Variants in ANGPTL5 observed in about 807,000 individuals in gnomAD.
ANGPTL5 encodes the protein angiopoietin like 5.
Under a neutral mutation model 39.4 loss-of-function variants are expected in ANGPTL5, and 34 were observed. The observed-to-expected ratio is 0.86, with a 90% CI of 0.66 to 1.15. The LOEUF (loss-of-function observed/expected upper bound fraction) is 1.15, where lower values mean the gene tolerates loss of function less well. Ranked by LOEUF, ANGPTL5 falls within the 50% of genes most tolerant of loss-of-function variation. The pLI is 0.00. For missense variants in ANGPTL5, 467 were observed against 457.5 expected (o/e 1.02, Z -0.19); for synonymous variants, 146 against 152.1 (o/e 0.96, Z 0.29).
intron 1 of ANGPTL5, among the ~76,000 whole-genome samples, chr11:101,909,195 C>T (rs1940050383): frequency 6.6e-6 from 1 of 152,238 alleles, no homozygotes; most frequent in South Asian, 2.1e-4. Context: ...TATCTGTTCT[C>T]TGACTTTCCT....
chr11:101,902,803 C>A, intron 5 of ANGPTL5, 82 bp from the exon 6 acceptor site: 2 of 799,914 alleles, frequency 2.5e-6, no homozygotes, highest in East Asian at 2.6e-5. Context: ...ATTGATAGTG[C>A]TATTATCATA....
At chr11:101,900,872 G>A (rs917652518) in intron 6 of ANGPTL5, among the ~76,000 whole-genome samples, 7 of 149,926 alleles carry the variant, frequency 4.7e-5, no homozygotes, top group African/African-American at 1.7e-4. Flanking sequence ...TTTTTTTTGA[G>A]ACAGAATCTC....
intron 5 of ANGPTL5, 94 bp from the exon 6 acceptor site, chr11:101,902,815 TTTTC>T: frequency 1.4e-6 from 1 of 729,968 alleles, no homozygotes; most frequent in Non-Finnish European, 2.3e-6. Context: ...ATTATCATAA[TTTTC>T]ATTATTATAT....
At position 101,905,743 on chromosome 11, in the gene ANGPTL5, C is replaced by T. The variant is rs1256021317; in HGVS notation, c.345+1G>A. 1.3e-6 allele frequency: 2 copies of T among 1,579,564 alleles called. No individual in the cohort carries two copies. ...ACAACACAATACTAAAACATCTATA[C>T]CTGATTAGATAAATAATCCAAGGAA... is the stretch of plus-strand genomic sequence containing the variant. On this transcript the variant is annotated splice_donor_variant, in intron 4 of 8. Coordinates refer to ENST00000334289, the MANE Select transcript of ANGPTL5 (RefSeq NM_178127.5). LOFTEE classifies it high-confidence loss of function.
At chr11:101,896,245 C>T (rs528336022) in intron 7 of ANGPTL5, among the ~76,000 whole-genome samples, 5 of 151,604 alleles carry the variant, frequency 3.3e-5, no homozygotes, top group East Asian at 1.9e-4. Context: ...TGCAGTAGTG[C>T]GATCTCGGCT....
chr11:101,891,928 A>C (rs1939704891), intron 8 of ANGPTL5, among the ~76,000 whole-genome samples: 1 of 152,220 alleles, frequency 6.6e-6, no homozygotes. Context: ...CAATATGATA[A>C]TTGATAATTT....
Position 101,908,359 on chromosome 11 carries a change from G to A in ANGPTL5, c.-92-358C>T, listed in dbSNP as rs563571538. Reference sequence around the variant, plus strand: ...CAAACTGCTTGCAAAAAAATAGGAAGTAGAAATGACTGATGGAGTGGGAAA... The same window carrying A: ...CAAACTGCTTGCAAAAAAATAGGAAATAGAAATGACTGATGGAGTGGGAAA... On this transcript the variant is annotated intron_variant, in intron 1 of 8. Coordinates refer to ENST00000334289, the MANE Select transcript of ANGPTL5 (RefSeq NM_178127.5). Among the ~76,000 whole-genome samples the A allele has an allele frequency of 6.6e-5, 10 of 152,220 alleles. No homozygotes were observed. In the South Asian group the frequency reaches 2.1e-3, roughly 32 times the overall value.
In ANGPTL5 at chr11:101,916,158, G is replaced by T. The variant is rs1035727877; in HGVS notation, c.-232C>A. The T allele has an allele frequency of 6.6e-6, 1 of 152,232 alleles. No homozygotes were observed. The highest frequency in any genetic ancestry group is 1.5e-5 in the Non-Finnish European group (1 of 68,040). 9.4% of individuals were successfully genotyped at this position (152,232 alleles called of 1,614,324 possible). The stretch of plus-strand genomic sequence containing the variant: ...AACCTTTGTATTCCCAAAGGACTTG[G>T]TTGGCAATGATGGTGTTGTGTAATC... On this transcript the variant is annotated 5_prime_UTR_variant, in exon 1 of 9. Coordinates refer to ENST00000334289, the MANE Select transcript of ANGPTL5 (RefSeq NM_178127.5).
chr11:101,891,809 A>G (rs1939702355), intron 8 of ANGPTL5, among the ~76,000 whole-genome samples: 1 of 152,238 alleles, frequency 6.6e-6, no homozygotes, highest in Non-Finnish European at 1.5e-5. Flanking sequence ...CTTTAAATAA[A>G]TATTTGATAT....
At position 101,904,806 on chromosome 11, in the gene ANGPTL5, G is replaced by T; in HGVS notation, c.439+8C>A. 6.2e-7 allele frequency: 1 copy of T among 1,609,142 alleles called. No individual in the cohort carries two copies. Among genetic ancestry groups the T allele is most frequent in the Non-Finnish European group, 8.5e-7 (1 of 1,175,606 alleles). ...AACATGAAAAGGCTGAAATACCAAA[G>T]TTCTCACCATGTGACTGAACAGGTC... On this transcript the variant is annotated splice_region_variant and intron_variant, in intron 5 of 8. Coordinates refer to ENST00000334289, the MANE Select transcript of ANGPTL5 (RefSeq NM_178127.5).
intron 6 of ANGPTL5, among the ~76,000 whole-genome samples, chr11:101,901,766 G>A (rs1939904303): frequency 6.6e-6 from 1 of 151,896 alleles, no homozygotes. Flanking sequence ...TTGACATCTT[G>A]TCAATAGATT....
Position 101,912,761 on chromosome 11 carries a change from C to T in ANGPTL5, c.-93+3258G>A, listed in dbSNP as rs375146686. 9.9e-5 allele frequency among the ~76,000 whole-genome samples: 15 copies of T among 152,190 alleles called. 1 individual carries two copies. Among genetic ancestry groups the T allele is most frequent in the Admixed American group, 9.2e-4 (14 of 15,290 alleles). On this transcript the variant is annotated intron_variant, in intron 1 of 8. Transcript: ENST00000334289. The stretch of plus-strand genomic sequence containing the variant: ...AGGGGACCCTGGGAAAACCTTAAAA[C>T]TGAGTTCCCAGCCATAATGGGATGG...
Position 101,899,487 on chromosome 11 carries a change from A to G in ANGPTL5, c.661+943T>C, listed in dbSNP as rs536155215. 3.2e-4 allele frequency among the ~76,000 whole-genome samples: 48 copies of G among 152,352 alleles called. 1 individual carries two copies. The highest frequency in any genetic ancestry group is 3.4e-3 in the Middle Eastern group (1 of 294). On this transcript the variant is annotated intron_variant, in intron 7 of 8. Transcript: ENST00000334289. ...CTGAAGACCTGGTTAGTCAAAACTC[A>G]TATTCTTTCCCCATAGAAATAAATT...
chr11:101,907,662 T>C, intron 2 of ANGPTL5, 152 bp downstream of exon 2: 1 of 608,420 alleles, frequency 1.6e-6, no homozygotes, highest in East Asian at 3.0e-5. Context: ...AATACAGTAA[T>C]ATTAAAGCAA....
intron 4 of ANGPTL5, 133 bp downstream of exon 4, chr11:101,905,611 T>G: frequency 1.5e-6 from 1 of 667,246 alleles, no homozygotes; most frequent in East Asian, 2.8e-5. Context: ...TAAAGTTTAC[T>G]ATGGTGCCTC....
rs1267255890 is a variant in ANGPTL5 at position 101,904,831 on chromosome 11, C to G, written c.422G>C (p.Arg141Thr). ...FRKQLDPFPH[R>T]PVQSHGLDCT... ...GTTCTCACCATGTGACTGAACAGGT[C>G]TGTGAGGAAAAGGATCCAGCTGTTT... Residue 141 changes from arginine (R) to threonine (T), a missense_variant, in exon 5 of 9, where the codon AGA (arginine) becomes ACA (threonine). Physicochemically the swap from Arg to Thr is moderately conservative, Grantham distance 71. Transcript: ENST00000334289. The G allele has an allele frequency of 6.2e-7, 1 of 1,613,154 alleles. No individual in the cohort carries two copies. The highest frequency in any genetic ancestry group is 1.7e-5 in the Admixed American group (1 of 60,002).
chr11:101,914,038 C>T (rs531851965), intron 1 of ANGPTL5, among the ~76,000 whole-genome samples: 1 of 152,320 alleles, frequency 6.6e-6, no homozygotes, highest in East Asian at 1.9e-4. Context: ...CGCCAGTGTA[C>T]ATTCCAATTT....
intron 1 of ANGPTL5, among the ~76,000 whole-genome samples, chr11:101,908,780 C>CAAAAAAAAAAAAAAAAAAAAAAAAA (rs59041644): frequency 3.1e-5 from 2 of 64,956 alleles, no homozygotes; most frequent in African/African-American, 9.9e-5. Context: ...GACTCCATCT[C>CAAAAAAAAAAAAAAAAAAAAAAAAA]AAAAAAAAAA....
Position 101,894,899 on chromosome 11 carries a change from C to T in ANGPTL5, c.827G>A (p.Gly276Glu). 1 of 1,613,134 alleles carries T rather than the reference C, an allele frequency of 6.2e-7. No homozygotes were observed. Among genetic ancestry groups the T allele is most frequent in the Non-Finnish European group, 8.5e-7 (1 of 1,179,366 alleles). ...CTTACCAGCATTTCCTGAATACCGT[C>T]CTAAGTGCATTTTAAAAAATCTCGT... ...DETRFFKMHL[G>E]RYSGNAGDAF... Residue 276 changes from glycine (G) to glutamate (E), a missense_variant, in exon 8 of 9, where the codon GGA (glycine) becomes GAA (glutamate). Transcript: ENST00000334289.
Sources: allele counts gnomAD v4.1 joint callset (sites outside exome capture counted in the v4.1 genomes callset), GRCh38; gene constraint gnomAD v4.1.1; transcripts MANE v1.5; gene names NCBI Gene and HGNC (gene_info 2026-07-23, HGNC 2026-07-21).